The following CEACAM19 variants were observed in gnomAD, a reference collection of about 807,000 sequenced individuals.
CEACAM19 encodes cell adhesion molecule CEACAM19.
In CEACAM19, 37 loss-of-function variants were observed where a neutral mutation model predicts 37.6. The observed-to-expected ratio is 0.98, with a 90% confidence interval of 0.76 to 1.29. CEACAM19 has a LOEUF of 1.29. CEACAM19 is among the 50% of genes most tolerant of loss of function. The probability of loss-of-function intolerance (pLI) is 0.00; values close to 1 mark genes in which losing one functional copy is unlikely to be tolerated. For synonymous variants in CEACAM19, 140 were observed against 149.8 expected (o/e 0.93, Z 0.48); for missense variants, 340 against 375.6 (o/e 0.91, Z 0.78).
In CEACAM19 at chr19:44,672,727, T is replaced by G; in HGVS notation, c.187T>G (p.Phe63Val). 6.3e-7 allele frequency: 1 copy of G among 1,584,138 alleles called. No individual in the cohort carries two copies. The highest frequency in any genetic ancestry group is 1.2e-5 in the South Asian group (1 of 86,730). ...GGGTGTCCCAGACACCTTCCAGGAC[T>G]TCAACTGGTACCTGGGGGAGGAGAC... ...VQGVPDTFQD[F>V]NWYLGEETYG... Residue 63 changes from phenylalanine (F) to valine (V), a missense_variant, in exon 2 of 8, where the codon TTC becomes GTC. By Grantham distance (50) the Phe-to-Val change is conservative (BLOSUM62 -1). Coordinates refer to ENST00000358777, the MANE Select transcript of CEACAM19 (RefSeq NM_001127893.3).
rs181290021 is a variant in CEACAM19, at chr19:44,680,395, T to C, written c.706+61T>C. ...TCCTCTCAGCTCCTCCTTTCTCCCCTATAGCCACAAGCCCGCTTATTCTCC... is the reference window on the plus strand; with the variant it reads ...TCCTCTCAGCTCCTCCTTTCTCCCCCATAGCCACAAGCCCGCTTATTCTCC... On this transcript the variant is annotated intron_variant, in intron 5 of 7. Coordinates refer to ENST00000358777, the MANE Select transcript of CEACAM19 (RefSeq NM_001127893.3). 3,945 of 1,443,466 alleles carry C rather than the reference T, an allele frequency of 2.7e-3. 5 individuals are homozygous for C. Among genetic ancestry groups the C allele is most frequent in the Non-Finnish European group, 3.5e-3 (3,581 of 1,034,532 alleles). 89.4% of individuals were successfully genotyped at this position (1,443,466 alleles called of 1,614,324 possible).
intron 6 of CEACAM19, among the ~76,000 whole-genome samples, chr19:44,681,930 C>CA (rs59949356): frequency 0.087 from 11,566 of 132,798 alleles, 1,200 homozygotes; most frequent in African/African-American, 0.26. Flanking sequence ...GACTCCATCC[C>CA]AAAAAAAAAA....
chr19:44,668,415 T>TA (rs1973784479), upstream of CEACAM19, among the ~76,000 whole-genome samples: 3 of 29,304 alleles, frequency 1.0e-4, no homozygotes, highest in Non-Finnish European at 1.8e-4. Context: ...TTATATATTA[T>TA]ATATATAATA....
chr19:44,673,390 G>A (rs1021903680), intron 2 of CEACAM19, among the ~76,000 whole-genome samples: 3 of 152,154 alleles, frequency 2.0e-5, no homozygotes, highest in Admixed American at 6.6e-5. Flanking sequence ...TTGGGTGATC[G>A]TTAAGAGCCA....
rs1294743822 is a variant in CEACAM19 at position 44,676,251 on chromosome 19, T to C, written c.425-20T>C. On this transcript the variant is annotated intron_variant, in intron 2 of 7. Transcript: ENST00000358777. ...ACATCGCACAGTCCCCCCTCTCTCT[T>C]TCTTTCTCTCACCCCTCAGAAAAGA... The C allele has an allele frequency of 1.2e-6, 2 of 1,612,446 alleles. No individual in the cohort carries two copies. The highest frequency in any genetic ancestry group is 1.7e-5 in the Admixed American group (1 of 59,956).
At chr19:44,673,465 A>G (rs529526369) in intron 2 of CEACAM19, among the ~76,000 whole-genome samples, 19 of 152,230 alleles carry the variant, frequency 1.2e-4, no homozygotes, top group Non-Finnish European at 2.2e-4. Flanking sequence ...GATGTTTTGT[A>G]TTGGCCAGTT....
At chr19:44,679,844 C>T (rs948804022) in intron 4 of CEACAM19, among the ~76,000 whole-genome samples, 4 of 151,044 alleles carry the variant, frequency 2.6e-5, no homozygotes, top group Non-Finnish European at 5.9e-5. Flanking sequence ...GCAGGAGAAT[C>T]GCTTGAACCC....
chr19:44,670,441 G>A (rs1973835228), upstream of CEACAM19, among the ~76,000 whole-genome samples: 1 of 151,860 alleles, frequency 6.6e-6, no homozygotes, highest in African/African-American at 2.4e-5. Context: ...TTGGGAGGCC[G>A]AGGCAGGAGG....
At position 44,683,321 on chromosome 19, in the gene CEACAM19, C is replaced by G. The variant is rs147887039; in HGVS notation, c.847-116C>G. 3.7e-4 allele frequency: 186 copies of G among 508,310 alleles called. 1 individual carries two copies. The highest frequency in any genetic ancestry group is 3.3e-3 in the African/African-American group (168 of 50,926). 31.5% of individuals were successfully genotyped at this position (508,310 alleles called of 1,614,324 possible). A position where few individuals can be genotyped will look rare whatever the true frequency, so the allele number is the denominator to read the frequency against. On this transcript the variant is annotated intron_variant, in intron 7 of 7. Transcript: ENST00000358777. Reference sequence around the variant, plus strand: ...TCTCTTTCCACCTTGCTCTTCCATTCTCTCTGCGGGTTTCTCTCCATCTCA... The same window carrying G: ...TCTCTTTCCACCTTGCTCTTCCATTGTCTCTGCGGGTTTCTCTCCATCTCA...
intron 4 of CEACAM19, among the ~76,000 whole-genome samples, chr19:44,679,146 C>T (rs946596719): frequency 1.2e-4 from 19 of 152,242 alleles, no homozygotes; most frequent in African/African-American, 4.6e-4. Context: ...GTGTGCACCA[C>T]CACACCTGGC....
At chr19:44,670,781 GAAA>G (rs74691226), upstream of CEACAM19, among the ~76,000 whole-genome samples, 285 of 58,062 alleles carry the variant, frequency 4.9e-3, no homozygotes, top group African/African-American at 9.9e-3. Flanking sequence ...CCTGTCTCAA[GAAA>G]AAAAAAAAAA....
At chr19:44,679,027 C>G (rs1013565053) in intron 4 of CEACAM19, 91 bp downstream of exon 4, 1 of 1,554,012 alleles carries the variant, frequency 6.4e-7, no homozygotes, top group African/African-American at 1.4e-5. Flanking sequence ...AAGTCTCACT[C>G]TGTTGCCAAG....
At chr19:44,680,435 T>C in intron 5 of CEACAM19, 101 bp downstream of exon 5, 2 of 1,098,728 alleles carry the variant, frequency 1.8e-6, no homozygotes, top group South Asian at 1.3e-5. Context: ...CTCAGAGACC[T>C]CCCAATGCAC....
chr19:44,674,988 G>A (rs114744151), intron 2 of CEACAM19, among the ~76,000 whole-genome samples: 6 of 152,122 alleles, frequency 3.9e-5, no homozygotes, highest in African/African-American at 1.2e-4. Flanking sequence ...TCCCAGCACT[G>A]CACTTATTGT....
At position 44,672,868 on chromosome 19, in the gene CEACAM19, C is replaced by G. The variant is rs146626366; in HGVS notation, c.328C>G (p.Arg110Gly). 2 of 1,594,408 alleles carry G rather than the reference C, an allele frequency of 1.3e-6. No homozygotes were observed. The highest frequency in any genetic ancestry group is 1.7e-6 in the Non-Finnish European group (2 of 1,168,986). ...VGFPNGSMLL[R>G]RAQPTDSGTY... is the part of the protein sequence containing the mutation. ...CTTCCCCAATGGTTCCATGCTGCTG[C>G]GCCGCGCCCAGCCTACAGACAGTGG... The change falls in exon 2 of 8, where the codon CGC becomes GGC. Residue 110 changes from arginine (R) to glycine (G), a missense_variant. Physicochemically the swap from Arg to Gly is moderately radical, Grantham distance 125 (BLOSUM62 -2). Coordinates refer to ENST00000358777, the MANE Select transcript of CEACAM19 (RefSeq NM_001127893.3).
At chr19:44,668,281 ATAT>A (rs1296478206), upstream of CEACAM19, among the ~76,000 whole-genome samples, 5,559 of 79,860 alleles carry the variant, frequency 0.07, 770 homozygotes, top group African/African-American at 0.25. Context: ...ATATGTTTAT[ATAT>A]TATTATATTT....
intron 7 of CEACAM19, 109 bp from the exon 8 acceptor site, chr19:44,683,328 C>T (rs932352063): frequency 3.1e-5 from 16 of 518,100 alleles, no homozygotes; most frequent in Admixed American, 6.7e-5. Flanking sequence ...ATTCTCTCTG[C>T]GGGTTTCTCT....
At chr19:44,674,118 T>C (rs1973904386) in intron 2 of CEACAM19, among the ~76,000 whole-genome samples, 1 of 151,940 alleles carries the variant, frequency 6.6e-6, no homozygotes. Context: ...TGGTGGTAGA[T>C]GCCTGTAATG....
upstream of CEACAM19, among the ~76,000 whole-genome samples, chr19:44,667,798 T>TA (rs1394739935): frequency 2.8e-5 from 2 of 72,382 alleles, no homozygotes; most frequent in South Asian, 4.1e-4. Flanking sequence ...ATATATAAAT[T>TA]ATATAATTTA....
Sources: gnomAD v4.1 joint callset for allele counts (sites outside exome capture counted in the v4.1 genomes callset) on GRCh38, gnomAD v4.1.1 for gene constraint, MANE v1.5 for transcripts, NCBI Gene and HGNC (gene_info 2026-07-23, HGNC 2026-07-21) for gene names.